Variants in KLHL26 observed in about 807,000 individuals in gnomAD.
KLHL26 encodes kelch-like protein 26.
In KLHL26, 4 loss-of-function variants were observed where a neutral mutation model predicts 7.1. The ratio of observed to expected loss-of-function variants is 0.56; its 90% confidence interval spans 0.28 to 1.28. KLHL26 has a LOEUF of 1.28. KLHL26 is among the 50% of genes most tolerant of loss of function. The probability of loss-of-function intolerance (pLI) is 0.11; values close to 1 mark genes in which losing one functional copy is unlikely to be tolerated. For missense variants in KLHL26, 896 were observed against 924.6 expected (o/e 0.97, Z 0.40); for synonymous variants, 465 against 414.1 (o/e 1.12, Z -1.49).
At chr19:18,661,580 C>A (rs1167880289) in intron 1 of KLHL26, among the ~76,000 whole-genome samples, 1 of 152,188 alleles carries the variant, frequency 6.6e-6, no homozygotes, top group East Asian at 1.9e-4. Flanking sequence ...ATGCGTCAGC[C>A]TCCTCACCCA....
chr19:18,665,818 G>A (rs2052442304), intron 2 of KLHL26, among the ~76,000 whole-genome samples: 1 of 152,202 alleles, frequency 6.6e-6, no homozygotes, highest in Non-Finnish European at 1.5e-5. Flanking sequence ...CCCCGCCAGA[G>A]AGAGCTGGGC....
chr19:18,664,179 T>G (rs566016429), intron 1 of KLHL26, 82 bp from the exon 2 acceptor site: 11 of 1,326,816 alleles, frequency 8.3e-6, no homozygotes, highest in Middle Eastern at 2.2e-4. Context: ...TGTGTCTGGC[T>G]TCTTGCACTG....
At chr19:18,664,731 G>A (rs1190029364) in intron 2 of KLHL26, among the ~76,000 whole-genome samples, 5 of 151,856 alleles carry the variant, frequency 3.3e-5, no homozygotes, top group African/African-American at 9.7e-5. Context: ...ACAGGCACCC[G>A]CCACCATGCC....
chr19:18,668,998 C>T lies in KLHL26; in HGVS notation c.1601C>T (p.Pro534Leu), dbSNP rs776365313. 6.2e-6 allele frequency: 10 copies of T among 1,612,628 alleles called. No individual in the cohort carries two copies. The highest frequency in any genetic ancestry group is 2.2e-5 in the South Asian group (2 of 91,078). ...FDVLAVEYYV[P>L]ETDQWTSVSP... The stretch of plus-strand genomic sequence containing the variant: ...GTGCTGGCTGTGGAGTACTATGTGC[C>T]GGAGACGGACCAGTGGACCAGCGTG... Residue 534 changes from proline (P) to leucine (L), a missense_variant, in exon 3 of 3, where the codon CCG (proline) becomes CTG (leucine). Transcript: ENST00000300976.
At position 18,656,675 on chromosome 19, in the gene KLHL26, C is replaced by T. The variant is rs889144706; in HGVS notation, c.84-7586C>T. Among the ~76,000 whole-genome samples the T allele has an allele frequency of 4.4e-4, 60 of 135,874 alleles. No homozygotes were observed. Among genetic ancestry groups the T allele is most frequent in the Non-Finnish European group, 6.6e-4 (43 of 65,286 alleles). 89.1% of individuals were successfully genotyped at this position (135,874 alleles called of 152,430 possible). On this transcript the variant is annotated intron_variant, in intron 1 of 2. Transcript: ENST00000300976. The surrounding 1 kb of genome is among the most constrained non-coding windows in gnomAD (Gnocchi z 4.4). Reference sequence around the variant, plus strand: ...GAGTTGGGCCAACAGGCGCAACTCACGGCGAGCCCTGTCTGCCTCAGTAGC... The same window carrying T: ...GAGTTGGGCCAACAGGCGCAACTCATGGCGAGCCCTGTCTGCCTCAGTAGC...
At chr19:18,662,336 G>A (rs1240935794) in intron 1 of KLHL26, among the ~76,000 whole-genome samples, 1 of 152,192 alleles carries the variant, frequency 6.6e-6, no homozygotes, top group African/African-American at 2.4e-5. Context: ...CAGAAAGGCC[G>A]GCAGGGGTCA....
intron 1 of KLHL26, among the ~76,000 whole-genome samples, chr19:18,638,616 G>C (rs979959369): frequency 5.3e-5 from 8 of 152,248 alleles, no homozygotes; most frequent in African/African-American, 1.9e-4. Context: ...TGGCAAGTAA[G>C]GGACAGGGAA....
Position 18,649,144 on chromosome 19 carries a change from C to T in KLHL26, c.83+12007C>T, listed in dbSNP as rs186475639. ...CTCGGGGCCTGGCCACTGTGTCCAC[C>T]GTGGCGCCACTGCTCGCCCTGTCGT... On this transcript the variant is annotated intron_variant, in intron 1 of 2. Coordinates refer to ENST00000300976, the MANE Select transcript of KLHL26 (RefSeq NM_018316.3). The surrounding 1 kb of genome is among the most constrained non-coding windows in gnomAD (Gnocchi z 4.0). 1.3e-5 allele frequency among the ~76,000 whole-genome samples: 2 copies of T among 152,198 alleles called. No homozygotes were observed. Among genetic ancestry groups the T allele is most frequent in the Admixed American group, 1.3e-4 (2 of 15,278 alleles).
intron 1 of KLHL26, among the ~76,000 whole-genome samples, chr19:18,642,527 G>A (rs892921458): frequency 3.3e-5 from 5 of 149,254 alleles, no homozygotes; most frequent in African/African-American, 1.2e-4. Context: ...ACCAAGCCTG[G>A]CTAATTTTGT....
intron 1 of KLHL26, among the ~76,000 whole-genome samples, chr19:18,662,138 G>C (rs982339788): frequency 6.6e-6 from 1 of 152,138 alleles, no homozygotes; most frequent in Non-Finnish European, 1.5e-5. Context: ...ACTTGTCCCA[G>C]TGCAACGTGT....
intron 1 of KLHL26, among the ~76,000 whole-genome samples, chr19:18,662,644 TC>T (rs1469490854): frequency 5.3e-5 from 8 of 152,074 alleles, no homozygotes; most frequent in Non-Finnish European, 1.2e-4. Context: ...GGCATGCCAT[TC>T]GTGGGAAGCA....
rs1976814016 is a variant in KLHL26, at chr19:18,646,977, G to A, written c.83+9840G>A. Among the ~76,000 whole-genome samples, 1 of 151,798 alleles carries A rather than the reference G, an allele frequency of 6.6e-6. No homozygotes were observed. The highest frequency in any genetic ancestry group is 1.5e-5 in the Non-Finnish European group (1 of 67,882). ...AGGGCGGGGGCAGGGGCGGCGGGGG[G>A]TGGCGCGTCTCAGCAGGGATGGGGG... On this transcript the variant is annotated intron_variant, in intron 1 of 2. Coordinates refer to ENST00000300976, the MANE Select transcript of KLHL26 (RefSeq NM_018316.3). This position sits in a 1 kb window ranked among gnomAD's most constrained non-coding sequence, Gnocchi z 5.0.
rs2052496237 is a variant in KLHL26 at position 18,669,093 on chromosome 19, G to C, written c.1696G>C (p.Gly566Arg). The change falls in exon 3 of 3, where the codon GGC (glycine) becomes CGC (arginine). Residue 566 changes from glycine (G) to arginine (R), a missense_variant. Transcript: ENST00000300976. ...GGAGAGGAAGATCTACATCGTCGGG[G>C]GCTACAACTGGCGTCTCAACAACGT... is the stretch of plus-strand genomic sequence containing the variant. ...LLERKIYIVG[G>R]YNWRLNNVTG... 2 of 1,612,894 alleles carry C rather than the reference G, an allele frequency of 1.2e-6. No homozygotes were observed. The highest frequency in any genetic ancestry group is 1.6e-4 in the Middle Eastern group (1 of 6,062).
At position 18,664,292 on chromosome 19, in the gene KLHL26, A is replaced by G. The variant is rs1419454714; in HGVS notation, c.115A>G (p.Thr39Ala). Residue 39 changes from threonine (T) to alanine (A), a missense_variant, in exon 2 of 3, where the codon ACC becomes GCC. Coordinates refer to ENST00000300976, the MANE Select transcript of KLHL26 (RefSeq NM_018316.3). ...TADKNGALKCTFSAPSHSTSL... is the reference protein window; with the variant it reads ...TADKNGALKCAFSAPSHSTSL... ...CGACAAGAACGGGGCCCTCAAGTGC[A>G]CCTTCTCGGCACCCAGCCACAGCAC... The G allele has an allele frequency of 6.2e-7, 1 of 1,606,896 alleles. No homozygotes were observed. Among genetic ancestry groups the G allele is most frequent in the East Asian group, 2.2e-5 (1 of 44,828 alleles).
At chr19:18,638,832 C>T (rs1976663027) in intron 1 of KLHL26, among the ~76,000 whole-genome samples, 1 of 152,070 alleles carries the variant, frequency 6.6e-6, no homozygotes, top group Admixed American at 6.6e-5. Context: ...TCCTGAGTAG[C>T]TGGGACTACA....
In KLHL26 at chr19:18,669,146, G is replaced by A. The variant is rs368665940; in HGVS notation, c.1749G>A (p.Thr583=). 5.0e-6 allele frequency: 8 copies of A among 1,612,768 alleles called. No homozygotes were observed. Among genetic ancestry groups the A allele is most frequent in the Non-Finnish European group, 6.8e-6 (8 of 1,179,966 alleles). ...CGGGCATCGTACAGGTGTACAACAC[G>A]GACACCGACGAGTGGGAGCGGGACC... The part of the protein sequence containing the change: ...NVTGIVQVYN[T]DTDEWERDLH... The change falls in exon 3 of 3, where the codon ACG becomes ACA. Residue 583 remains threonine, a synonymous_variant. Transcript: ENST00000300976.
At position 18,669,396 on chromosome 19, in the gene KLHL26, C is replaced by G. The variant is rs2052502150; in HGVS notation, c.*151C>G. ...GTTGATAAGCCCCCCTCCCAGGGGT[C>G]CCTCCCTCCCTCCTTCCCAAAGCAG... On this transcript the variant is annotated 3_prime_UTR_variant, in exon 3 of 3. Transcript: ENST00000300976. The G allele has an allele frequency of 9.8e-6, 6 of 614,578 alleles. No individual in the cohort carries two copies. Among genetic ancestry groups the G allele is most frequent in the Middle Eastern group, 4.3e-4 (1 of 2,314 alleles). 38.1% of individuals were successfully genotyped at this position (614,578 alleles called of 1,614,324 possible). A position where few individuals can be genotyped will look rare whatever the true frequency, so the allele number is the denominator to read the frequency against.
At position 18,649,123 on chromosome 19, in the gene KLHL26, G is replaced by T. The variant is rs906440180; in HGVS notation, c.83+11986G>T. ...GCACGGCTCAAGTGTTGTCTCCTCG[G>T]GGCCTGGCCACTGTGTCCACCGTGG... On this transcript the variant is annotated intron_variant, in intron 1 of 2. Coordinates refer to ENST00000300976, the MANE Select transcript of KLHL26 (RefSeq NM_018316.3). The surrounding 1 kb of genome is among the most constrained non-coding windows in gnomAD (Gnocchi z 4.0). Among the ~76,000 whole-genome samples the T allele has an allele frequency of 6.6e-6, 1 of 152,212 alleles. No individual in the cohort carries two copies. Among genetic ancestry groups the T allele is most frequent in the South Asian group, 2.1e-4 (1 of 4,828 alleles).
chr19:18,660,285 G>A (rs1159352923), intron 1 of KLHL26, among the ~76,000 whole-genome samples: 1 of 152,224 alleles, frequency 6.6e-6, no homozygotes, highest in African/African-American at 2.4e-5. Context: ...GCGGGTGTCA[G>A]AATGGCCCCT....
Sources: gnomAD v4.1 joint callset for allele counts (sites outside exome capture counted in the v4.1 genomes callset) on GRCh38, gnomAD v4.1.1 for gene constraint, Gnocchi (gnomAD v3.1) non-coding constraint, MANE v1.5 for transcripts, NCBI Gene and HGNC (gene_info 2026-07-23, HGNC 2026-07-21) for gene names.